LINGO2: variants seen among roughly 807,000 people sequenced by gnomAD.
LINGO2 encodes leucine-rich repeat and immunoglobulin-like domain-containing nogo receptor-interacting protein 2.
Under a neutral mutation model 30.6 loss-of-function variants are expected in LINGO2, and 14 were observed. The observed-to-expected ratio is 0.46, with a 90% CI of 0.30 to 0.72. The LOEUF (loss-of-function observed/expected upper bound fraction) is 0.72. Ranked by LOEUF, LINGO2 falls within the 30% of genes least tolerant of loss-of-function variation. LINGO2 has a pLI of 0.07. For synonymous variants in LINGO2, 317 were observed against 288.5 expected, an observed-to-expected ratio of 1.10 and a Z score of -1.00; for missense variants, 729 against 751.7, an observed-to-expected ratio of 0.97 and a Z score of 0.35.
intron 4 of LINGO2, among the ~76,000 whole-genome samples, chr9:28,060,195 C>G (rs1825099573): frequency 6.6e-6 from 1 of 152,048 alleles, no homozygotes; most frequent in Admixed American, 6.5e-5. Context: ...ACAAAAGCAA[C>G]AAAAATTCCA....
intron 5 of LINGO2, among the ~76,000 whole-genome samples, chr9:27,974,576 AC>A (rs1189576806): frequency 1.3e-5 from 2 of 151,940 alleles, no homozygotes; most frequent in African/African-American, 4.8e-5. Flanking sequence ...GTTCATTACC[AC>A]CCGGTATTGC....
At chr9:28,051,617 C>T (rs577016796) in intron 4 of LINGO2, among the ~76,000 whole-genome samples, 1 of 152,056 alleles carries the variant, frequency 6.6e-6, no homozygotes, top group Non-Finnish European at 1.5e-5. Context: ...CTCATTCAAT[C>T]TTCACAATAA....
intron 1 of LINGO2, among the ~76,000 whole-genome samples, chr9:28,636,636 T>C (rs1487460107): frequency 6.6e-6 from 1 of 152,202 alleles, no homozygotes; most frequent in Admixed American, 6.5e-5. Context: ...TTGAGAAGTG[T>C]CTGTTCATAT....
intron 4 of LINGO2, among the ~76,000 whole-genome samples, chr9:28,179,645 T>TATATATA (rs1461040400): frequency 5.4e-5 from 7 of 128,582 alleles, no homozygotes; most frequent in Admixed American, 3.2e-4. Flanking sequence ...CTATATATAC[T>TATATATA]GTAGTGTATA....
intron 4 of LINGO2, among the ~76,000 whole-genome samples, chr9:28,181,473 G>A (rs540640169): frequency 1.2e-4 from 18 of 152,248 alleles, no homozygotes; most frequent in Middle Eastern, 6.8e-3. Flanking sequence ...TGTTAGAAAT[G>A]CAAATTCTCA....
the LINGO2 span, among the ~76,000 whole-genome samples, chr9:29,178,673 C>T: frequency 3.9e-5 from 6 of 152,160 alleles, no homozygotes; most frequent in East Asian, 9.7e-4. Context: ...GGAAGGAAAC[C>T]TCCTCTGATG....
At chr9:28,621,473 A>G (rs1053163231) in intron 1 of LINGO2, among the ~76,000 whole-genome samples, 1 of 151,830 alleles carries the variant, frequency 6.6e-6, no homozygotes, top group Non-Finnish European at 1.5e-5. Flanking sequence ...GAATACCCCA[A>G]CTGGCACAAG....
At chr9:28,788,282 T>G in the LINGO2 span, among the ~76,000 whole-genome samples, 1 of 152,202 alleles carries the variant, frequency 6.6e-6, no homozygotes, top group East Asian at 1.9e-4. Flanking sequence ...TACACTACAG[T>G]GAACTGTGTC....
At chr9:29,057,592 T>A in the LINGO2 span, among the ~76,000 whole-genome samples, 1 of 152,054 alleles carries the variant, frequency 6.6e-6, no homozygotes, top group Non-Finnish European at 1.5e-5. Context: ...GAGACTGAGT[T>A]TGGGGCTACT....
chr9:28,535,271 A>G (rs1291785608), intron 1 of LINGO2, among the ~76,000 whole-genome samples: 2 of 152,180 alleles, frequency 1.3e-5, no homozygotes, highest in African/African-American at 4.8e-5. Flanking sequence ...AATGGACATA[A>G]TCTAATTCAA....
chr9:28,884,100 G>A, the LINGO2 span, among the ~76,000 whole-genome samples: 460 of 77,770 alleles, frequency 5.9e-3, 3 homozygotes, highest in African/African-American at 0.02. Context: ...GGAGAATAGC[G>A]CAGTGTCTAA....
At chr9:28,761,481 T>TGC in the LINGO2 span, among the ~76,000 whole-genome samples, 266 of 75,132 alleles carry the variant, frequency 3.5e-3, 3 homozygotes, top group Middle Eastern at 0.027. Flanking sequence ...AAAATATACA[T>TGC]GCGCACACAC....
At chr9:28,983,350 C>T in the LINGO2 span, among the ~76,000 whole-genome samples, 1 of 145,422 alleles carries the variant, frequency 6.9e-6, no homozygotes, top group African/African-American at 2.5e-5. Context: ...GATGATTAAG[C>T]AAATTGCTTT....
the LINGO2 span, among the ~76,000 whole-genome samples, chr9:29,015,849 C>A: frequency 6.6e-6 from 1 of 152,276 alleles, no homozygotes; most frequent in East Asian, 1.9e-4. Flanking sequence ...GAAACATTTT[C>A]TCTACTCAGT....
Position 28,375,644 on chromosome 9 carries a change from T to C in LINGO2, c.-278-2776A>G, listed in dbSNP as rs1821100790. Among the ~76,000 whole-genome samples, 3 of 152,236 alleles carry C rather than the reference T, an allele frequency of 2.0e-5. No individual in the cohort carries two copies. In the South Asian group the frequency reaches 6.2e-4, roughly 32 times the overall value. On this transcript the variant is annotated intron_variant, in intron 2 of 5. Transcript: ENST00000379992. ...TTGGAATCCTAAAGATGTGGTAAAT[T>C]CTCTAAATCAATGACCATTCTTTGA...
chr9:27,972,609 T>C (rs538607095), intron 5 of LINGO2, among the ~76,000 whole-genome samples: 1 of 152,196 alleles, frequency 6.6e-6, no homozygotes, highest in African/African-American at 2.4e-5. Context: ...GTCTATTTAC[T>C]GTAAGACCAA....
At chr9:28,667,121 T>C (rs980959478) in intron 1 of LINGO2, among the ~76,000 whole-genome samples, 3 of 152,184 alleles carry the variant, frequency 2.0e-5, no homozygotes, top group African/African-American at 7.2e-5. Context: ...CCGTGAGAAG[T>C]ACTTGGCTGA....
intron 4 of LINGO2, among the ~76,000 whole-genome samples, chr9:28,186,093 C>T (rs7040482): frequency 0.74 from 111,705 of 151,948 alleles, 41,124 homozygotes; most frequent in Admixed American, 0.77. Context: ...CTTTTCACTC[C>T]CTAGTTCCTT....
At chr9:28,842,419 G>A in the LINGO2 span, among the ~76,000 whole-genome samples, 1 of 151,776 alleles carries the variant, frequency 6.6e-6, no homozygotes, top group South Asian at 2.1e-4. Context: ...TCACATTCCT[G>A]AACACTTATT....
Sources: allele counts gnomAD v4.1 joint callset (sites outside exome capture counted in the v4.1 genomes callset), GRCh38; gene constraint gnomAD v4.1.1; transcripts MANE v1.5; gene names NCBI Gene and HGNC (gene_info 2026-07-23, HGNC 2026-07-21).